UBTD2: variants seen among roughly 807,000 people sequenced by gnomAD.
The protein encoded by UBTD2 is ubiquitin domain containing 2.
A neutral mutation model predicts 19.8 loss-of-function variants in UBTD2; 9 were observed. That is an observed-to-expected ratio of 0.46 (90% CI 0.27 to 0.79). The LOEUF (loss-of-function observed/expected upper bound fraction) is 0.79. Among genes scored for constraint, UBTD2 ranks in the 30% least tolerant of loss-of-function variants. UBTD2 has a pLI of 0.14. For synonymous variants in UBTD2, 98 were observed against 103.9 expected (o/e 0.94, Z 0.35); for missense variants, 250 against 300.4 (o/e 0.83, Z 1.24).
rs1771446579 is a variant in UBTD2, at chr5:172,211,544, A to G, written c.*286T>C. 1 of 285,518 alleles carries G rather than the reference A, an allele frequency of 3.5e-6. No homozygotes were observed. The highest frequency in any genetic ancestry group is 6.5e-6 in the Non-Finnish European group (1 of 153,728). 17.7% of individuals were successfully genotyped at this position (285,518 alleles called of 1,614,324 possible). ...CAGTCCAAGTCACTGAAATATAGCC[A>G]TTACATAGTTGTTGAGTGTTCTAAA... is the stretch of plus-strand genomic sequence containing the variant. On this transcript the variant is annotated 3_prime_UTR_variant, in exon 3 of 3. Transcript: ENST00000393792.
intron 2 of UBTD2, 69 bp downstream of exon 2, chr5:172,234,053 A>T (rs1771959112): frequency 1.3e-6 from 2 of 1,512,140 alleles, no homozygotes; most frequent in Non-Finnish European, 1.8e-6. Context: ...ACACTCTCCC[A>T]TTTGGTTTCT....
At chr5:172,222,899 T>G (rs1462304480) in intron 2 of UBTD2, among the ~76,000 whole-genome samples, 1 of 152,234 alleles carries the variant, frequency 6.6e-6, no homozygotes, top group Admixed American at 6.5e-5. Context: ...CACTGCCTTT[T>G]TTATGCTACT....
chr5:172,241,537 C>T (rs2113030674), intron 1 of UBTD2, among the ~76,000 whole-genome samples: 1 of 151,478 alleles, frequency 6.6e-6, no homozygotes, highest in East Asian at 1.9e-4. Context: ...ATAAAACTAA[C>T]TCTAGTTGCA....
chr5:172,224,236 G>A (rs1771714557), intron 2 of UBTD2, among the ~76,000 whole-genome samples: 1 of 147,420 alleles, frequency 6.8e-6, no homozygotes, highest in Non-Finnish European at 1.5e-5. Context: ...GATCACAGGG[G>A]CGGCTTCCCC....
chr5:172,232,367 T>C (rs1246541111), intron 2 of UBTD2, among the ~76,000 whole-genome samples: 1 of 151,096 alleles, frequency 6.6e-6, no homozygotes, highest in Non-Finnish European at 1.5e-5. Context: ...TTATAAATTC[T>C]TCAAATGTAG....
At chr5:172,272,968 T>C (rs1755526529) in intron 1 of UBTD2, among the ~76,000 whole-genome samples, 1 of 151,854 alleles carries the variant, frequency 6.6e-6, no homozygotes, top group Non-Finnish European at 1.5e-5. Context: ...TCCCAGCTAC[T>C]CGGGAGGCTG....
chr5:172,255,659 C>T (rs13161673), intron 1 of UBTD2, among the ~76,000 whole-genome samples: 11,249 of 152,260 alleles, frequency 0.074, 452 homozygotes, highest in South Asian at 0.12. Flanking sequence ...AGGCTCCCCT[C>T]TGGCTCCTGG....
chr5:172,238,512 A>G (rs559986100), intron 1 of UBTD2, among the ~76,000 whole-genome samples: 1 of 152,332 alleles, frequency 6.6e-6, no homozygotes, highest in Non-Finnish European at 1.5e-5. Context: ...TCTTTTTCTC[A>G]GAAACCTCTT....
chr5:172,233,957 A>C (rs561278890), intron 2 of UBTD2, among the ~76,000 whole-genome samples, 165 bp downstream of exon 2: 19 of 152,184 alleles, frequency 1.2e-4, no homozygotes, highest in Non-Finnish European at 1.6e-4. Flanking sequence ...ACCTGTCTCC[A>C]GCTGAAAGAT....
chr5:172,268,896 A>G (rs1405557393), intron 1 of UBTD2, among the ~76,000 whole-genome samples: 1 of 152,142 alleles, frequency 6.6e-6, no homozygotes, highest in Admixed American at 6.6e-5. Flanking sequence ...CAATTAAGGG[A>G]TTTGGACTAT....
chr5:172,242,146 G>A (rs1772143256), intron 1 of UBTD2, among the ~76,000 whole-genome samples: 1 of 152,134 alleles, frequency 6.6e-6, no homozygotes, highest in South Asian at 2.1e-4. Context: ...AGCTCCCTGA[G>A]GCCCTCAACA....
At chr5:172,220,972 G>A (rs112152529) in intron 2 of UBTD2, among the ~76,000 whole-genome samples, 1 of 152,126 alleles carries the variant, frequency 6.6e-6, no homozygotes, top group African/African-American at 2.4e-5. Context: ...CTATACATCA[G>A]CAATGAGCAA....
At chr5:172,214,686 T>C (rs922771585) in intron 2 of UBTD2, among the ~76,000 whole-genome samples, 3 of 152,238 alleles carry the variant, frequency 2.0e-5, no homozygotes, top group East Asian at 3.8e-4. Flanking sequence ...TTTAGATGGT[T>C]ACAGAAGCTC....
At position 172,220,363 on chromosome 5, in the gene UBTD2, C is replaced by T. The variant is rs551871378; in HGVS notation, c.308-8136G>A. ...CAAAAAAGCTATAGCTGGCCGGGCA[C>T]GGTGGCTCACGCCTCTAATCCCAGC... On this transcript the variant is annotated intron_variant, in intron 2 of 2. Transcript: ENST00000393792. Among the ~76,000 whole-genome samples, 11 of 152,314 alleles carry T rather than the reference C, an allele frequency of 7.2e-5. No individual in the cohort carries two copies. In the South Asian group the frequency reaches 1.7e-3, roughly 23 times the overall value.
At chr5:172,283,769 GCGC>G, upstream of UBTD2, 1 of 777,060 alleles carries the variant, frequency 1.3e-6, no homozygotes, top group Non-Finnish European at 1.6e-6. This position sits in a 1 kb window ranked among gnomAD's most constrained non-coding sequence, Gnocchi z 4.3. Flanking sequence ...CCGGACAGGC[GCGC>G]CGCTCCGCTC....
At chr5:172,275,583 T>G (rs1220862858) in intron 1 of UBTD2, among the ~76,000 whole-genome samples, 1 of 152,204 alleles carries the variant, frequency 6.6e-6, no homozygotes, top group African/African-American at 2.4e-5. Context: ...TGCTTCACCC[T>G]TTATGAAACT....
chr5:172,248,447 G>C (rs1249795184), intron 1 of UBTD2, among the ~76,000 whole-genome samples: 1 of 152,116 alleles, frequency 6.6e-6, no homozygotes, highest in Admixed American at 6.5e-5. Context: ...AATTAGCTGG[G>C]TGTGGCGGCA....
At chr5:172,280,477 C>G (rs1026050895) in intron 1 of UBTD2, among the ~76,000 whole-genome samples, 1 of 145,212 alleles carries the variant, frequency 6.9e-6, no homozygotes, top group Admixed American at 7.1e-5. Flanking sequence ...GCCACTGTAC[C>G]GCAGCCTGGG....
intron 1 of UBTD2, among the ~76,000 whole-genome samples, chr5:172,244,933 G>C (rs1352374459): frequency 6.6e-6 from 1 of 151,984 alleles, no homozygotes; most frequent in Non-Finnish European, 1.5e-5. Flanking sequence ...TCACCATGTT[G>C]GCCAGGCTGG....
Sources: gnomAD v4.1 joint callset for allele counts (sites outside exome capture counted in the v4.1 genomes callset) on GRCh38, gnomAD v4.1.1 for gene constraint, Gnocchi (gnomAD v3.1) non-coding constraint, MANE v1.5 for transcripts, NCBI Gene and HGNC (gene_info 2026-07-23, HGNC 2026-07-21) for gene names.